IL15: variants seen among roughly 807,000 people sequenced by gnomAD.
The protein encoded by IL15 is interleukin 15, also known as interleukin-15.
A neutral mutation model predicts 19.6 loss-of-function variants in IL15; 11 were observed. The ratio of observed to expected loss-of-function variants is 0.56; its 90% CI spans 0.35 to 0.93. The LOEUF is 0.93. IL15 is among the 40% of genes least tolerant of loss of function. The pLI is 0.01. For missense variants in IL15, 197 were observed against 186.5 expected, an observed-to-expected ratio of 1.06 and a Z score of -0.33; for synonymous variants, 58 against 59.6, an observed-to-expected ratio of 0.97 and a Z score of 0.12.
intron 2 of IL15, among the ~76,000 whole-genome samples, chr4:141,678,080 G>T (rs74995007): frequency 0.02 from 3,078 of 152,224 alleles, 107 homozygotes; most frequent in African/African-American, 0.069. Context: ...AGGCTATGTT[G>T]GTCCCATATG....
At chr4:141,643,247 C>T (rs1727112729) in intron 1 of IL15, among the ~76,000 whole-genome samples, 1 of 152,116 alleles carries the variant, frequency 6.6e-6, no homozygotes. Flanking sequence ...TTTCCCAATA[C>T]CATGTAGCCA....
chr4:141,713,354 T>C (rs1166092387), intron 2 of IL15, among the ~76,000 whole-genome samples: 2 of 152,164 alleles, frequency 1.3e-5, no homozygotes, highest in African/African-American at 4.8e-5. Context: ...AAGCAGGTGG[T>C]TGGTGATTCA....
rs184857349 is a variant in IL15 at position 141,703,295 on chromosome 4, T to A, written c.-99-16071T>A. Among the ~76,000 whole-genome samples, 61 of 152,258 alleles carry A rather than the reference T, an allele frequency of 4.0e-4. 1 individual carries two copies. Among genetic ancestry groups the A allele is most frequent in the Admixed American group, 3.6e-3 (55 of 15,290 alleles). On this transcript the variant is annotated intron_variant, in intron 2 of 7. Coordinates refer to ENST00000320650, the MANE Select transcript of IL15 (RefSeq NM_000585.5). Reference sequence around the variant, plus strand: ...ACCAAGTTCTGTTGATGGGTGTACATCCCTACTCAAAATTATATCACAAAT... The same window carrying A: ...ACCAAGTTCTGTTGATGGGTGTACAACCCTACTCAAAATTATATCACAAAT...
intron 2 of IL15, among the ~76,000 whole-genome samples, chr4:141,669,204 C>G (rs1204643247): frequency 6.6e-6 from 1 of 152,004 alleles, no homozygotes; most frequent in Non-Finnish European, 1.5e-5. Context: ...TTAGCTAATA[C>G]CAAATATTAG....
intron 5 of IL15, among the ~76,000 whole-genome samples, chr4:141,727,457 T>C (rs1022589054): frequency 6.6e-6 from 1 of 152,072 alleles, no homozygotes; most frequent in South Asian, 2.1e-4. Flanking sequence ...AGCAGAGAAG[T>C]GGTTGCCAGA....
intron 1 of IL15, among the ~76,000 whole-genome samples, chr4:141,652,123 A>G (rs570495836): frequency 6.6e-6 from 1 of 152,302 alleles, no homozygotes; most frequent in South Asian, 2.1e-4. Flanking sequence ...GAAAAAATGA[A>G]AAGCAAAAAT....
At chr4:141,712,654 T>C (rs1729750602) in intron 2 of IL15, among the ~76,000 whole-genome samples, 3 of 148,612 alleles carry the variant, frequency 2.0e-5, no homozygotes, top group Non-Finnish European at 1.5e-5. Flanking sequence ...TATATTTCTA[T>C]ATATAAATAT....
intron 2 of IL15, among the ~76,000 whole-genome samples, chr4:141,707,977 A>C (rs1465513500): frequency 1.1e-4 from 16 of 151,784 alleles, no homozygotes; most frequent in Admixed American, 1.1e-3. Flanking sequence ...TCTGTTGGAG[A>C]GGCAGAGCTG....
chr4:141,645,476 A>C lies in IL15; in HGVS notation c.-222+8728A>C, dbSNP rs78086922. Among the ~76,000 whole-genome samples, 77 of 152,264 alleles carry C rather than the reference A, an allele frequency of 5.1e-4. No individual in the cohort carries two copies. In the East Asian group the frequency reaches 0.014, roughly 28 times the overall value. ...TGCCTGGAAAGGCAAGAATGAGAAT[A>C]GGTGTTATTTTCCAATCTAGCAAGT... On this transcript the variant is annotated intron_variant, in intron 1 of 7. Transcript: ENST00000320650.
At chr4:141,703,091 C>T (rs554724499) in intron 2 of IL15, among the ~76,000 whole-genome samples, 5 of 152,300 alleles carry the variant, frequency 3.3e-5, no homozygotes, top group South Asian at 2.1e-4. Context: ...AGGCCAATCT[C>T]ACTCCTGAAG....
At chr4:141,682,821 G>T (rs1728577367) in intron 2 of IL15, among the ~76,000 whole-genome samples, 1 of 152,136 alleles carries the variant, frequency 6.6e-6, no homozygotes, top group African/African-American at 2.4e-5. Context: ...AGCCGGGTGT[G>T]GTGGCGGGCG....
At chr4:141,720,617 T>C in intron 4 of IL15, 51 bp downstream of exon 4, 1 of 954,972 alleles carries the variant, frequency 1.0e-6, no homozygotes, top group Admixed American at 1.7e-5. Flanking sequence ...TCATGATGAT[T>C]GTCCTTGGAT....
intron 2 of IL15, among the ~76,000 whole-genome samples, chr4:141,682,908 C>T (rs375601550): frequency 1.2e-4 from 18 of 151,706 alleles, no homozygotes; most frequent in African/African-American, 4.1e-4. Flanking sequence ...GCCGAGATCA[C>T]GCCACTGCAC....
At chr4:141,648,048 T>C (rs1011347102) in intron 1 of IL15, among the ~76,000 whole-genome samples, 1 of 152,076 alleles carries the variant, frequency 6.6e-6, no homozygotes, top group African/African-American at 2.4e-5. Flanking sequence ...GTTATTCTTG[T>C]TGTCAATGAT....
chr4:141,685,989 C>T (rs1043905612), intron 2 of IL15, among the ~76,000 whole-genome samples: 1 of 152,098 alleles, frequency 6.6e-6, no homozygotes, highest in South Asian at 2.1e-4. Flanking sequence ...CCTAGCACAT[C>T]CCCCTAATCA....
At chr4:141,658,841 A>G (rs1485651885) in intron 2 of IL15, among the ~76,000 whole-genome samples, 1 of 146,304 alleles carries the variant, frequency 6.8e-6, no homozygotes, top group Non-Finnish European at 1.5e-5. Context: ...TAAACTTCCT[A>G]GAAATTATTG....
chr4:141,652,368 A>G (rs115274273), intron 1 of IL15, among the ~76,000 whole-genome samples: 188 of 152,256 alleles, frequency 1.2e-3, no homozygotes, highest in African/African-American at 4.0e-3. Flanking sequence ...CAATCTAGGG[A>G]GAAAAAAGCA....
chr4:141,650,981 T>A (rs757520842), intron 1 of IL15, among the ~76,000 whole-genome samples: 1 of 151,994 alleles, frequency 6.6e-6, no homozygotes, highest in Non-Finnish European at 1.5e-5. Flanking sequence ...CATCAAGAAG[T>A]TCTCAATCTC....
intron 2 of IL15, among the ~76,000 whole-genome samples, chr4:141,668,233 G>C (rs1728056297): frequency 6.6e-6 from 1 of 152,202 alleles, no homozygotes; most frequent in African/African-American, 2.4e-5. Flanking sequence ...CTTTAGGATG[G>C]AAGGCCCTTT....
Sources: allele counts gnomAD v4.1 joint callset (sites outside exome capture counted in the v4.1 genomes callset), GRCh38; gene constraint gnomAD v4.1.1; transcripts MANE v1.5; gene names NCBI Gene and HGNC (gene_info 2026-07-23, HGNC 2026-07-21).